GAP43: variants seen among roughly 807,000 people sequenced by gnomAD.
GAP43 encodes growth associated protein 43, also known as neuromodulin.
Under a neutral mutation model 18.6 loss-of-function variants are expected in GAP43, and 6 were observed. That is an observed-to-expected ratio of 0.32 (90% CI 0.18 to 0.64). The LOEUF is 0.64. GAP43 is among the 30% of genes least tolerant of loss of function. The pLI is 0.78. For synonymous variants in GAP43, 115 were observed against 111.4 expected (o/e 1.03, Z -0.20); for missense variants, 292 against 295.5 (o/e 0.99, Z 0.09).
intron 2 of GAP43, among the ~76,000 whole-genome samples, chr3:115,677,150 C>T (rs1437033042): frequency 6.6e-6 from 1 of 152,102 alleles, no homozygotes; most frequent in Non-Finnish European, 1.5e-5. Context: ...ATTCTCTCCA[C>T]CATCGGTTGG....
At chr3:115,668,738 T>G (rs1357779998) in intron 1 of GAP43, among the ~76,000 whole-genome samples, 1 of 152,116 alleles carries the variant, frequency 6.6e-6, no homozygotes, top group Non-Finnish European at 1.5e-5. Context: ...TCACCAGTTT[T>G]GCTAGTGAAA....
intron 2 of GAP43, among the ~76,000 whole-genome samples, chr3:115,697,181 ATACAT>A (rs912866986): frequency 9.6e-4 from 102 of 106,734 alleles, no homozygotes; most frequent in African/African-American, 3.7e-3. Flanking sequence ...CTAATATATT[ATACAT>A]TACATTTATT....
At chr3:115,630,264 G>T (rs1307164213) in intron 1 of GAP43, among the ~76,000 whole-genome samples, 1 of 152,150 alleles carries the variant, frequency 6.6e-6, no homozygotes, top group African/African-American at 2.4e-5. Context: ...TTAGGTGTGT[G>T]TGCTCAAAAA....
intron 1 of GAP43, among the ~76,000 whole-genome samples, chr3:115,642,250 T>C (rs1708406303): frequency 1.3e-5 from 2 of 152,088 alleles, no homozygotes; most frequent in Non-Finnish European, 2.9e-5. Context: ...CTTTTGACTC[T>C]TACTCATCTT....
Position 115,716,769 on chromosome 3 carries a change from C to CAGAG in GAP43, c.629-4006_629-4003dup, listed in dbSNP as rs371857324. ...ATATATATATATATATATATATATA[C>CAGAG]AGAGAGAGAGAGAGAGAGAGAGTTT... is the stretch of plus-strand genomic sequence containing the variant. On this transcript the variant is annotated intron_variant, in intron 2 of 2. Transcript: ENST00000305124. Among the ~76,000 whole-genome samples the CAGAG allele has an allele frequency of 6.3e-3, 342 of 54,638 alleles. 6 individuals are homozygous for CAGAG. The highest frequency in any genetic ancestry group is 0.02 in the African/African-American group (314 of 16,040). The allele number at this position is 54,638 out of a possible 152,430, so 35.8% of individuals were successfully genotyped here.
intron 1 of GAP43, among the ~76,000 whole-genome samples, chr3:115,655,839 G>A (rs992720919): frequency 2.6e-5 from 4 of 152,074 alleles, no homozygotes; most frequent in Non-Finnish European, 4.4e-5. Flanking sequence ...AATTCCACAC[G>A]AACTACCCAG....
At chr3:115,717,348 C>A (rs975701133) in intron 2 of GAP43, among the ~76,000 whole-genome samples, 5 of 142,744 alleles carry the variant, frequency 3.5e-5, no homozygotes, top group African/African-American at 7.8e-5. Context: ...TCACTTTTGT[C>A]CCCCAGGCCG....
intron 1 of GAP43, among the ~76,000 whole-genome samples, chr3:115,640,198 A>G (rs1349006776): frequency 6.6e-6 from 1 of 152,134 alleles, no homozygotes; most frequent in East Asian, 1.9e-4. Context: ...GATCATAAGG[A>G]AAGAAAGATG....
chr3:115,673,317 C>T (rs191873123), intron 1 of GAP43, among the ~76,000 whole-genome samples: 1 of 152,336 alleles, frequency 6.6e-6, no homozygotes, highest in East Asian at 1.9e-4. Flanking sequence ...TGTAGACTCT[C>T]AGCTTCCTTC....
chr3:115,679,787 G>A (rs1165041717), intron 2 of GAP43, among the ~76,000 whole-genome samples: 2 of 152,142 alleles, frequency 1.3e-5, no homozygotes, highest in Non-Finnish European at 2.9e-5. Context: ...CTATCCAGAG[G>A]GCTATCAATC....
chr3:115,648,510 C>A (rs1346296474), intron 1 of GAP43, among the ~76,000 whole-genome samples: 1 of 152,058 alleles, frequency 6.6e-6, no homozygotes, highest in African/African-American at 2.4e-5. Flanking sequence ...AATGGATGGG[C>A]TATTGGCAGA....
intron 1 of GAP43, chr3:115,663,737 C>G: frequency 1.3e-6 from 2 of 1,550,228 alleles, no homozygotes; most frequent in South Asian, 1.2e-5. Flanking sequence ...ACAGCCTAGT[C>G]TTTTAGACAG....
intron 1 of GAP43, chr3:115,661,149 A>G (rs1323383066): frequency 6.6e-6 from 1 of 151,992 alleles, no homozygotes; most frequent in Admixed American, 6.5e-5. Context: ...TTTTCCTTCC[A>G]CAAGTGTCCT....
At chr3:115,702,703 T>A (rs1270269162) in intron 2 of GAP43, among the ~76,000 whole-genome samples, 2 of 152,070 alleles carry the variant, frequency 1.3e-5, no homozygotes, top group Non-Finnish European at 2.9e-5. Context: ...GGAAGTCCAG[T>A]CAACTAAACA....
At chr3:115,675,928 C>T in intron 1 of GAP43, 85 bp from the exon 2 acceptor site, 1 of 1,517,252 alleles carries the variant, frequency 6.6e-7, no homozygotes, top group Non-Finnish European at 8.8e-7. Context: ...AAATAAATCA[C>T]TTAATAAATA....
chr3:115,636,926 A>G (rs1486237999), intron 1 of GAP43, among the ~76,000 whole-genome samples: 2 of 152,072 alleles, frequency 1.3e-5, no homozygotes, highest in African/African-American at 4.8e-5. Flanking sequence ...TTCTATAGCA[A>G]AATGCCTCTT....
chr3:115,677,286 G>A (rs1241829132), intron 2 of GAP43, among the ~76,000 whole-genome samples: 1 of 152,130 alleles, frequency 6.6e-6, no homozygotes, highest in African/African-American at 2.4e-5. Context: ...CCCAAATACA[G>A]AATATGTTGT....
rs372469998 is a variant in GAP43, at chr3:115,676,225, G to A, written c.243G>A (p.Lys81=). The A allele has an allele frequency of 1.1e-5, 18 of 1,614,082 alleles. No individual in the cohort carries two copies. Among genetic ancestry groups the A allele is most frequent in the Admixed American group, 3.3e-5 (2 of 60,010 alleles). The change falls in exon 2 of 3, where the codon AAG becomes AAA. Residue 81 remains lysine, a synonymous_variant. Transcript: ENST00000305124. ...CTGTTGCCGATGGGGTGGAGAAGAA[G>A]GGAGAAGGCACCACTACTGCCGAAG... The part of the protein sequence containing the change: ...EAPVADGVEK[K]GEGTTTAEAA...
chr3:115,678,190 G>A (rs1258606242), intron 2 of GAP43, among the ~76,000 whole-genome samples: 1 of 152,154 alleles, frequency 6.6e-6, no homozygotes, highest in Non-Finnish European at 1.5e-5. Flanking sequence ...TTTAAGGTTT[G>A]AGCCTCAGGT....
Sources: gnomAD v4.1 joint callset for allele counts (sites outside exome capture counted in the v4.1 genomes callset) on GRCh38, gnomAD v4.1.1 for gene constraint, MANE v1.5 for transcripts, NCBI Gene and HGNC (gene_info 2026-07-23, HGNC 2026-07-21) for gene names.